Variants in RFC2 observed in about 807,000 individuals in gnomAD.
The protein encoded by RFC2 is A1 40 kDa subunit.
Under a neutral mutation model 44.8 loss-of-function variants are expected in RFC2, and 34 were observed. The ratio of observed to expected loss-of-function variants is 0.76; its 90% confidence interval spans 0.58 to 1.01. The LOEUF is 1.01. Among genes scored for constraint, RFC2 ranks in the 50% least tolerant of loss-of-function variants. RFC2 has a pLI of 0.00. For synonymous variants in RFC2, 177 were observed against 168.9 expected (o/e 1.05, Z -0.37); for missense variants, 400 against 453.6 (o/e 0.88, Z 1.07).
Position 74,232,125 on chromosome 7 carries a change from A to G in RFC2, c.1046T>C (p.Met349Thr), listed in dbSNP as rs782225616. 1 of 1,610,050 alleles carries G rather than the reference A, an allele frequency of 6.2e-7. No homozygotes were observed. The highest frequency in any genetic ancestry group is 1.1e-5 in the South Asian group (1 of 90,996). ...GLLARLCQKT[M>T]APVAS Reference sequence around the variant, plus strand: ...TCTGCTCTAACTGGCCACCGGGGCCATTGTCTTCTGACACAGCCTTGCCAG... The same window carrying G: ...TCTGCTCTAACTGGCCACCGGGGCCGTTGTCTTCTGACACAGCCTTGCCAG... Residue 349 changes from methionine to threonine, a missense_variant, in exon 11 of 11, where the codon ATG becomes ACG. Met to Thr is a moderately conservative substitution (Grantham distance 81, BLOSUM62 -1). Coordinates refer to ENST00000055077, the MANE Select transcript of RFC2 (RefSeq NM_181471.3).
intron 5 of RFC2, among the ~76,000 whole-genome samples, chr7:74,245,137 C>G (rs1803527082): frequency 6.6e-6 from 1 of 150,746 alleles, no homozygotes; most frequent in East Asian, 2.0e-4. Flanking sequence ...TCAAGCAATT[C>G]TCCTGCCTCA....
At chr7:74,244,096 CAAA>C (rs1179272254) in intron 5 of RFC2, among the ~76,000 whole-genome samples, 1 of 41,632 alleles carries the variant, frequency 2.4e-5, no homozygotes. Flanking sequence ...ACTAAAAATA[CAAA>C]AAAAAAAAAA....
Position 74,231,839 on chromosome 7 carries a change from C to A in RFC2, c.*267G>T. The A allele has an allele frequency of 3.7e-6, 1 of 269,748 alleles. No homozygotes were observed. Among genetic ancestry groups the A allele is most frequent in the Non-Finnish European group, 7.1e-6 (1 of 140,842 alleles). 16.7% of individuals were successfully genotyped at this position (269,748 alleles called of 1,614,324 possible). A position where few individuals can be genotyped will look rare whatever the true frequency, so the allele number is the denominator to read the frequency against. ...GGATTACAGGTGCCCGCCACCACAC[C>A]CAGCTAATTTTTATATTTTTAGTAA... On this transcript the variant is annotated 3_prime_UTR_variant, in exon 11 of 11. Transcript: ENST00000055077.
intron 2 of RFC2, among the ~76,000 whole-genome samples, chr7:74,250,066 T>C (rs1786829800): frequency 6.6e-6 from 1 of 150,952 alleles, no homozygotes; most frequent in African/African-American, 2.4e-5. Context: ...AATGGGAGGA[T>C]CGGTTGAGCC....
intron 10 of RFC2, among the ~76,000 whole-genome samples, chr7:74,235,110 C>A (rs974001271): frequency 6.6e-5 from 10 of 152,104 alleles, no homozygotes; most frequent in African/African-American, 2.2e-4. Context: ...GATCTTGGCT[C>A]ACTGCAACCT....
chr7:74,241,328 TG>T (rs1346803510), intron 6 of RFC2, among the ~76,000 whole-genome samples: 1 of 152,230 alleles, frequency 6.6e-6, no homozygotes, highest in Non-Finnish European at 1.5e-5. Context: ...TCCACTAGCA[TG>T]GTGCCTGGCG....
At position 74,235,541 on chromosome 7, in the gene RFC2, C is replaced by T; in HGVS notation, c.945G>A (p.Glu315=). The change falls in exon 10 of 11, where the codon GAG becomes GAA. Residue 315 remains glutamate, a synonymous_variant. Coordinates refer to ENST00000055077, the MANE Select transcript of RFC2 (RefSeq NM_181471.3). ...CTACATTCTCACCGACCTTGATAAA[C>T]TCCAGTTTCAGGTATTCTGCCATTT... ...TFQMAEYLKL[E]FIKEIGYTHM... The T allele has an allele frequency of 6.3e-7, 1 of 1,595,420 alleles. No individual in the cohort carries two copies. The highest frequency in any genetic ancestry group is 8.6e-7 in the Non-Finnish European group (1 of 1,163,010).
intron 1 of RFC2, 114 bp from the exon 2 acceptor site, chr7:74,252,612 C>T (rs894680763): frequency 1.3e-4 from 92 of 720,688 alleles, no homozygotes; most frequent in Admixed American, 8.0e-5. Flanking sequence ...TTCAGTACAA[C>T]TATGCCAAAT....
At chr7:74,248,111 T>C (rs3135663) in intron 4 of RFC2, among the ~76,000 whole-genome samples, 2,212 of 152,012 alleles carry the variant, frequency 0.015, 51 homozygotes, top group African/African-American at 0.051. Context: ...CCATACACTT[T>C]AAATATACAG....
Position 74,246,748 on chromosome 7 carries a change from C to T in RFC2, c.348G>A (p.Val116=), listed in dbSNP as rs1803634217. 1.9e-6 allele frequency: 3 copies of T among 1,611,438 alleles called. No individual in the cohort carries two copies. Among genetic ancestry groups the T allele is most frequent in the Non-Finnish European group, 8.5e-7 (1 of 1,178,234 alleles). The change falls in exon 5 of 11, where the codon GTG becomes GTA. Residue 116 remains valine (V), a synonymous_variant. Coordinates refer to ENST00000055077, the MANE Select transcript of RFC2 (RefSeq NM_181471.3). ...GAGCAAACATTTTAATTTTATTCCT[C>T]ACAACGTCAATGCCCCTGAAAGAAT... The part of the protein sequence containing the change: ...NASNDRGIDV[V]RNKIKMFAQQ...
chr7:74,251,002 G>A (rs1221491003), intron 2 of RFC2, among the ~76,000 whole-genome samples: 3 of 152,114 alleles, frequency 2.0e-5, no homozygotes, highest in Non-Finnish European at 2.9e-5. Flanking sequence ...GGCCAGGCTG[G>A]TCGTGAACTC....
chr7:74,231,907 T>C lies in RFC2; in HGVS notation c.*199A>G. 1 of 454,988 alleles carries C rather than the reference T, an allele frequency of 2.2e-6. No individual in the cohort carries two copies. The highest frequency in any genetic ancestry group is 3.3e-5 in the South Asian group (1 of 30,286). 28.2% of individuals were successfully genotyped at this position (454,988 alleles called of 1,614,324 possible). The stretch of plus-strand genomic sequence containing the variant: ...GTTGGCCAGGCTGGTCTTGAACTTC[T>C]GACCTCAGGTGATCCACCTGCCTCG... On this transcript the variant is annotated 3_prime_UTR_variant, in exon 11 of 11. Transcript: ENST00000055077.
intron 3 of RFC2, chr7:74,249,322 C>G (rs1464573562): frequency 1.2e-6 from 1 of 827,570 alleles, no homozygotes; most frequent in African/African-American, 1.7e-5. Context: ...GGGCAGATCA[C>G]CTGAGGTCAG....
chr7:74,232,467 G>A (rs1802785991), intron 10 of RFC2, among the ~76,000 whole-genome samples: 1 of 152,052 alleles, frequency 6.6e-6, no homozygotes, highest in Non-Finnish European at 1.5e-5. Context: ...GAAAATGGGT[G>A]GGGCGAGGGG....
chr7:74,247,717 C>A (rs558797605), intron 4 of RFC2, among the ~76,000 whole-genome samples: 1 of 152,278 alleles, frequency 6.6e-6, no homozygotes, highest in African/African-American at 2.4e-5. Flanking sequence ...ATTCTAAATG[C>A]TACTGATGGT....
At chr7:74,252,159 G>A (rs187053281) in intron 2 of RFC2, among the ~76,000 whole-genome samples, 1,456 of 135,318 alleles carry the variant, frequency 0.011, 27 homozygotes, top group African/African-American at 0.039. Context: ...TGTAATCCCA[G>A]CACTTTGGGA....
chr7:74,234,376 AGT>A (rs1802890939), intron 10 of RFC2, among the ~76,000 whole-genome samples: 1 of 152,136 alleles, frequency 6.6e-6, no homozygotes, highest in Non-Finnish European at 1.5e-5. Flanking sequence ...TGATGGTGAT[AGT>A]GTTTGCATGA....
At chr7:74,248,906 T>C (rs781851480) in intron 4 of RFC2, 106 bp downstream of exon 4, 6 of 765,174 alleles carry the variant, frequency 7.8e-6, no homozygotes, top group African/African-American at 3.4e-5. Context: ...GGAAATCACA[T>C]AGCTGGCAAG....
intron 1 of RFC2, among the ~76,000 whole-genome samples, chr7:74,253,237 G>C (rs797025307): frequency 4.4e-5 from 5 of 114,244 alleles, no homozygotes; most frequent in African/African-American, 2.5e-4. Flanking sequence ...TTTTTTTTTT[G>C]GAGACAGAGT....
Sources: gnomAD v4.1 joint callset for allele counts (sites outside exome capture counted in the v4.1 genomes callset) on GRCh38, gnomAD v4.1.1 for gene constraint, MANE v1.5 for transcripts, NCBI Gene and HGNC (gene_info 2026-07-23, HGNC 2026-07-21) for gene names.